Variants in SELENOF observed in about 807,000 individuals in gnomAD.
The protein encoded by SELENOF is 15 kDa selenoprotein.
A neutral mutation model predicts 20.5 loss-of-function variants in SELENOF; 16 were observed. That is an observed-to-expected ratio of 0.78 (90% CI 0.53 to 1.19). The LOEUF (loss-of-function observed/expected upper bound fraction) is 1.19, where lower values mean the gene tolerates loss of function less well. Among genes scored for constraint, SELENOF ranks in the 50% most tolerant of loss-of-function variants. The probability of loss-of-function intolerance (pLI) is 0.00; values close to 1 mark genes in which losing one functional copy is unlikely to be tolerated. For synonymous variants in SELENOF, 78 were observed against 74.5 expected, an observed-to-expected ratio of 1.05 and a Z score of -0.24; for missense variants, 215 against 194.2, an observed-to-expected ratio of 1.11 and a Z score of -0.64.
chr1:86,886,042 T>C (rs1261009776), intron 2 of SELENOF, among the ~76,000 whole-genome samples: 1 of 152,218 alleles, frequency 6.6e-6, no homozygotes, highest in East Asian at 1.9e-4. Flanking sequence ...TATTCAGGGA[T>C]ATTACTCATT....
At chr1:86,913,621 T>G (rs1325372608) in intron 1 of SELENOF, among the ~76,000 whole-genome samples, 1 of 152,128 alleles carries the variant, frequency 6.6e-6, no homozygotes, top group African/African-American at 2.4e-5. Context: ...AAACACAAAC[T>G]GTTCGCCTGG....
chr1:86,866,048 T>A (rs917357140), intron 4 of SELENOF, among the ~76,000 whole-genome samples: 2 of 151,414 alleles, frequency 1.3e-5, no homozygotes, highest in South Asian at 4.2e-4. Flanking sequence ...ATAAAAAAAA[T>A]TAGCTGGTCA....
chr1:86,871,213 A>T (rs938473888), intron 3 of SELENOF, among the ~76,000 whole-genome samples: 3 of 152,246 alleles, frequency 2.0e-5, no homozygotes, highest in African/African-American at 4.8e-5. Context: ...ATGTCAATAC[A>T]TCTACAGTCT....
intron 2 of SELENOF, among the ~76,000 whole-genome samples, chr1:86,890,673 A>C (rs1269758208): frequency 6.8e-6 from 1 of 146,412 alleles, no homozygotes; most frequent in Non-Finnish European, 1.5e-5. Context: ...TTTTTTTTTA[A>C]TTTTTTGTAG....
chr1:86,894,340 T>C (rs969164534), intron 2 of SELENOF, among the ~76,000 whole-genome samples: 1 of 152,168 alleles, frequency 6.6e-6, no homozygotes, highest in Non-Finnish European at 1.5e-5. Context: ...TTTGTTTTTT[T>C]ATGAAATAAT....
At chr1:86,880,509 C>T (rs1209051802) in intron 3 of SELENOF, among the ~76,000 whole-genome samples, 153 bp downstream of exon 3, 3 of 149,680 alleles carry the variant, frequency 2.0e-5, no homozygotes, top group Non-Finnish European at 4.4e-5. Flanking sequence ...TTTAACAAAC[C>T]ACTTCCATGA....
At chr1:86,905,943 G>A (rs60660639) in intron 1 of SELENOF, among the ~76,000 whole-genome samples, 2,301 of 152,264 alleles carry the variant, frequency 0.015, 65 homozygotes, top group African/African-American at 0.052. Context: ...TACAAAAACT[G>A]GGTTGACTGA....
At chr1:86,905,525 T>C (rs1167432595) in intron 1 of SELENOF, among the ~76,000 whole-genome samples, 2 of 152,176 alleles carry the variant, frequency 1.3e-5, no homozygotes, top group Non-Finnish European at 2.9e-5. Context: ...CCGAGAAACT[T>C]GTGCACAGTT....
intron 2 of SELENOF, among the ~76,000 whole-genome samples, chr1:86,894,460 CAATA>C (rs1222639545): frequency 1.3e-5 from 2 of 151,784 alleles, no homozygotes; most frequent in Admixed American, 1.3e-4. Context: ...TAGTAAAAAC[CAATA>C]AATAATATAT....
At chr1:86,864,629 T>G (rs1411110085) in intron 4 of SELENOF, among the ~76,000 whole-genome samples, 1 of 151,898 alleles carries the variant, frequency 6.6e-6, no homozygotes, top group Non-Finnish European at 1.5e-5. Flanking sequence ...TAACCATTTT[T>G]GGTCAGGTTA....
intron 2 of SELENOF, among the ~76,000 whole-genome samples, chr1:86,881,210 T>C (rs963877075): frequency 3.3e-5 from 5 of 152,172 alleles, no homozygotes; most frequent in African/African-American, 4.8e-5. Context: ...GTGGAGATAT[T>C]ATAAGAAAAG....
At chr1:86,903,549 C>T (rs1557471002) in intron 1 of SELENOF, 101 bp from the exon 2 acceptor site, 5 of 728,262 alleles carry the variant, frequency 6.9e-6, no homozygotes, top group East Asian at 6.4e-5. Context: ...ACATTGAAGA[C>T]AAGTTACTGA....
chr1:86,902,822 T>C (rs1424441821), intron 2 of SELENOF, among the ~76,000 whole-genome samples: 3 of 151,974 alleles, frequency 2.0e-5, no homozygotes, highest in East Asian at 1.9e-4. Context: ...TTACTAGCAA[T>C]AGGTGTGTAA....
chr1:86,889,991 G>A (rs1471830327), intron 2 of SELENOF, among the ~76,000 whole-genome samples: 1 of 152,134 alleles, frequency 6.6e-6, no homozygotes, highest in Non-Finnish European at 1.5e-5. Context: ...ACCAACAAAA[G>A]TTATTAAAAT....
At chr1:86,895,943 A>G (rs530314675) in intron 2 of SELENOF, among the ~76,000 whole-genome samples, 85 of 152,330 alleles carry the variant, frequency 5.6e-4, no homozygotes, top group Admixed American at 1.4e-3. Flanking sequence ...ATAGTGGGAT[A>G]TAGGCCAGGC....
At position 86,880,698 on chromosome 1, in the gene SELENOF, A is replaced by G. The variant is rs1477013150; in HGVS notation, c.280T>C (p.Cys94Arg). 6.3e-7 allele frequency: 1 copy of G among 1,596,024 alleles called. No individual in the cohort carries two copies. Among genetic ancestry groups the G allele is most frequent in the Non-Finnish European group, 8.5e-7 (1 of 1,170,348 alleles). ...GGGAACCTTCCCAATTTTCATCCAC[A>G]AACTTCAAGAATAGCTCCTGCATAC... ...KLYAGAILEVCGUKLGRFPQV... is the reference protein window; with the variant it reads ...KLYAGAILEVRGUKLGRFPQV... The change falls in exon 3 of 5, where the codon TGT (cysteine) becomes CGT (arginine). Residue 94 changes from cysteine to arginine, a missense_variant. Physicochemically the swap from Cys to Arg is radical, Grantham distance 180. Transcript: ENST00000331835.
intron 1 of SELENOF, among the ~76,000 whole-genome samples, chr1:86,912,372 T>G (rs1191694775): frequency 6.6e-6 from 1 of 152,206 alleles, no homozygotes; most frequent in African/African-American, 2.4e-5. Context: ...TTTAATTAAT[T>G]CCTATCATTA....
intron 1 of SELENOF, among the ~76,000 whole-genome samples, chr1:86,908,628 G>A (rs1197145780): frequency 6.6e-6 from 1 of 152,138 alleles, no homozygotes; most frequent in Non-Finnish European, 1.5e-5. Flanking sequence ...AAGCACCAAC[G>A]ATTTTAACTG....
At chr1:86,877,688 G>A (rs1463332115) in intron 3 of SELENOF, among the ~76,000 whole-genome samples, 8 of 151,928 alleles carry the variant, frequency 5.3e-5, no homozygotes, top group East Asian at 1.9e-4. Flanking sequence ...TCCTTTTTGC[G>A]TCTGAACGTT....
Sources: gnomAD v4.1 joint callset for allele counts (sites outside exome capture counted in the v4.1 genomes callset) on GRCh38, gnomAD v4.1.1 for gene constraint, MANE v1.5 for transcripts, NCBI Gene and HGNC (gene_info 2026-07-23, HGNC 2026-07-21) for gene names.